ARID1B: variants seen among roughly 807,000 people sequenced by gnomAD.
The protein encoded by ARID1B is AT-rich interaction domain 1B.
A neutral mutation model predicts 212.3 loss-of-function variants in ARID1B; 30 were observed. The observed-to-expected ratio is 0.14, with a 90% confidence interval of 0.11 to 0.19. The LOEUF (loss-of-function observed/expected upper bound fraction) is 0.19. Ranked by LOEUF, ARID1B falls within the 10% of genes least tolerant of loss-of-function variation. ARID1B has a pLI of 1.00. For synonymous variants in ARID1B, 1,402 were observed against 1,301.7 expected (o/e 1.08, Z -1.66); for missense variants, 2,891 against 3,204.0 (o/e 0.90, Z 2.36).
At chr6:157,090,955 A>G (rs1008203671) in intron 5 of ARID1B, among the ~76,000 whole-genome samples, 1 of 152,146 alleles carries the variant, frequency 6.6e-6, no homozygotes, top group African/African-American at 2.4e-5. Flanking sequence ...TGCCTGGGGT[A>G]GCCGCCTCCC....
At chr6:157,132,674 G>A (rs987940907) in intron 6 of ARID1B, among the ~76,000 whole-genome samples, 1 of 152,190 alleles carries the variant, frequency 6.6e-6, no homozygotes, top group Non-Finnish European at 1.5e-5. Flanking sequence ...CCTTTCAGGG[G>A]CAGAGGGTTT....
chr6:156,812,976 G>A (rs287891), intron 1 of ARID1B, among the ~76,000 whole-genome samples: 48,528 of 101,414 alleles, frequency 0.48, 11,634 homozygotes, highest in African/African-American at 0.59. Flanking sequence ...GTGTGTGTGT[G>A]TATGTATATA....
chr6:157,186,752 G>A (rs1023445142), intron 13 of ARID1B: 5 of 339,566 alleles, frequency 1.5e-5, no homozygotes, highest in South Asian at 2.3e-5. Context: ...ACATTCAGGC[G>A]AACTAAACTA....
At chr6:157,022,218 C>G (rs1026350815) in intron 4 of ARID1B, 20 of 152,442 alleles carry the variant, frequency 1.3e-4, no homozygotes, top group Non-Finnish European at 2.3e-4. Context: ...GGCTGGCAGG[C>G]CGCCGCCATT....
intron 4 of ARID1B, chr6:156,939,165 C>T (rs1792480729): frequency 6.6e-6 from 1 of 152,186 alleles, no homozygotes; most frequent in Non-Finnish European, 1.5e-5. Flanking sequence ...GAAGAGCTCT[C>T]TTTCTTAGAC....
rs868238489 is a variant in ARID1B, at chr6:156,987,153, C to T, written c.2247+51577C>T. ...TGATACTGCCACTTCACTGTAGCCT[C>T]GGTGACAGAGAGAGAGAGAGAGAGA... On this transcript the variant is annotated intron_variant, in intron 4 of 19. Coordinates refer to ENST00000636930, the MANE Select transcript of ARID1B (RefSeq NM_001374828.1). Among the ~76,000 whole-genome samples, 12 of 122,960 alleles carry T rather than the reference C, an allele frequency of 9.8e-5. No individual in the cohort carries two copies. The South Asian group carries it at 1.1e-3, about 11-fold the overall frequency. 80.7% of individuals were successfully genotyped at this position (122,960 alleles called of 152,430 possible). A position where few individuals can be genotyped will look rare whatever the true frequency, so the allele number is the denominator to read the frequency against.
Position 157,200,883 on chromosome 6 carries a change from AGAG to A in ARID1B, c.4661_4663del (p.Arg1554del), listed in dbSNP as rs1420116960. 1 of 1,613,976 alleles carries A rather than the reference AGAG, an allele frequency of 6.2e-7. No individual in the cohort carries two copies. Among genetic ancestry groups the A allele is most frequent in the South Asian group, 1.1e-5 (1 of 91,084 alleles). ...CAGTACCCGTATCCCTACAGCAGGG[AGAG>A]GATGCAGGGCCCGGGGCAGATCCAG... On this transcript the variant is annotated inframe_deletion, in exon 18 of 20. Transcript: ENST00000636930. This position sits in a 1 kb window ranked among gnomAD's most constrained non-coding sequence, Gnocchi z 4.3.
At chr6:157,057,939 C>G (rs1049444898) in intron 4 of ARID1B, among the ~76,000 whole-genome samples, 2 of 152,122 alleles carry the variant, frequency 1.3e-5, no homozygotes, top group African/African-American at 2.4e-5. Context: ...ATGAAAATTA[C>G]TAGTTAATTT....
At chr6:157,083,511 G>A (rs1406161292) in intron 4 of ARID1B, among the ~76,000 whole-genome samples, 3 of 152,102 alleles carry the variant, frequency 2.0e-5, no homozygotes, top group Non-Finnish European at 2.9e-5. Flanking sequence ...TCTGCTGAGG[G>A]AGCAGAAGAC....
intron 6 of ARID1B, among the ~76,000 whole-genome samples, chr6:157,119,063 T>C (rs1787525058): frequency 6.6e-6 from 1 of 152,214 alleles, no homozygotes; most frequent in Admixed American, 6.5e-5. Context: ...AAAACCGTTG[T>C]CTTTTTCCAA....
chr6:156,806,201 A>C (rs1781141893), intron 1 of ARID1B, among the ~76,000 whole-genome samples: 1 of 152,228 alleles, frequency 6.6e-6, no homozygotes, highest in Non-Finnish European at 1.5e-5. Context: ...CCAGGTCCTC[A>C]ATAAGTGATA....
At chr6:157,146,169 A>G (rs548222555) in intron 7 of ARID1B, among the ~76,000 whole-genome samples, 18 of 152,208 alleles carry the variant, frequency 1.2e-4, no homozygotes, top group African/African-American at 4.1e-4. Flanking sequence ...CCTCTCAGCC[A>G]TAAGTGCCCT....
At chr6:157,103,831 C>CAT (rs1786262695) in intron 5 of ARID1B, among the ~76,000 whole-genome samples, 2 of 118,388 alleles carry the variant, frequency 1.7e-5, no homozygotes. Flanking sequence ...ATATTAACAA[C>CAT]TTTTTTTTTT....
rs766156282 is a variant in ARID1B at position 157,207,214 on chromosome 6, T to C, written c.6442T>C (p.Leu2148=). ...DCLEVLRDNT[L]VTLANISGQL... is the part of the protein sequence containing the mutation. ...CCTCGAGGTCTTGAGGGATAACACG[T>C]TGGTCACGTTGGCCAACATTTCCGG... Residue 2148 remains leucine (L), a synonymous_variant, in exon 20 of 20, where the codon TTG becomes CTG. Transcript: ENST00000636930. The surrounding 1 kb of genome is among the most constrained non-coding windows in gnomAD (Gnocchi z 8.5). 1.4e-5 allele frequency: 22 copies of C among 1,614,036 alleles called. No homozygotes were observed. The South Asian group carries it at 2.1e-4, about 15-fold the overall frequency.
chr6:156,886,604 G>A (rs981863857), intron 2 of ARID1B, among the ~76,000 whole-genome samples: 8 of 152,134 alleles, frequency 5.3e-5, no homozygotes, highest in East Asian at 1.9e-4. Context: ...ACTGAGCCTC[G>A]TGGGAGAGTG....
Position 157,207,585 on chromosome 6 carries a change from C to A in ARID1B, c.6813C>A (p.Ala2271=), listed in dbSNP as rs1794562774. The stretch of plus-strand genomic sequence containing the variant: ...AAGGGGACGCACTAGCAGCAAGGGC[C>A]ATAGCTGTGCAGAAAGGAAGCATTG... ...LAQGDALAAR[A]IAVQKGSIGN... Residue 2271 remains alanine, a synonymous_variant, in exon 20 of 20, where the codon GCC becomes GCA. Coordinates refer to ENST00000636930, the MANE Select transcript of ARID1B (RefSeq NM_001374828.1). This position sits in a 1 kb window ranked among gnomAD's most constrained non-coding sequence, Gnocchi z 8.5. 6.2e-7 allele frequency: 1 copy of A among 1,614,114 alleles called. No homozygotes were observed. The highest frequency in any genetic ancestry group is 8.5e-7 in the Non-Finnish European group (1 of 1,180,030).
At chr6:156,974,594 G>A (rs375647054) in intron 4 of ARID1B, among the ~76,000 whole-genome samples, 13 of 152,122 alleles carry the variant, frequency 8.5e-5, no homozygotes, top group African/African-American at 2.9e-4. Context: ...TTATATTAAT[G>A]AAATTCAGAT....
chr6:157,202,538 AT>A (rs1455672084), intron 18 of ARID1B, among the ~76,000 whole-genome samples: 2 of 152,074 alleles, frequency 1.3e-5, no homozygotes, highest in Non-Finnish European at 2.9e-5. Context: ...AAGAAAAAAA[AT>A]TAGCCAAAAG....
intron 4 of ARID1B, among the ~76,000 whole-genome samples, chr6:156,952,985 C>T (rs906209645): frequency 6.6e-6 from 1 of 152,200 alleles, no homozygotes; most frequent in Non-Finnish European, 1.5e-5. Flanking sequence ...GGGAAAATTA[C>T]TAGCTGGGCA....
Sources: allele counts gnomAD v4.1 joint callset (sites outside exome capture counted in the v4.1 genomes callset), GRCh38; gene constraint gnomAD v4.1.1; non-coding constraint Gnocchi (gnomAD v3.1); transcripts MANE v1.5; gene names NCBI Gene and HGNC (gene_info 2026-07-23, HGNC 2026-07-21).